Variants in MAPRE2 observed in about 807,000 individuals in gnomAD.
MAPRE2 encodes microtubule-associated protein RP/EB family member 2.
In MAPRE2, 13 loss-of-function variants were observed where a neutral mutation model predicts 43.2. The ratio of observed to expected loss-of-function variants is 0.30; its 90% CI spans 0.20 to 0.48. The LOEUF (loss-of-function observed/expected upper bound fraction) is 0.48. Ranked by LOEUF, MAPRE2 falls within the 20% of genes least tolerant of loss-of-function variation. The pLI, the probability that MAPRE2 is intolerant of heterozygous loss-of-function variation, is 0.99. For synonymous variants in MAPRE2, 135 were observed against 148.8 expected (o/e 0.91, Z 0.68); for missense variants, 161 against 400.2 (o/e 0.40, Z 5.10).
intron 4 of MAPRE2, among the ~76,000 whole-genome samples, chr18:35,126,257 A>G (rs986233389): frequency 6.6e-6 from 1 of 152,224 alleles, no homozygotes; most frequent in African/African-American, 2.4e-5. Flanking sequence ...AGCTGTCCCA[A>G]GTGTGACTAG....
chr18:35,078,868 G>A (rs1181134390), intron 2 of MAPRE2, among the ~76,000 whole-genome samples: 1 of 152,164 alleles, frequency 6.6e-6, no homozygotes, highest in East Asian at 1.9e-4. Flanking sequence ...CAAAAGTAAC[G>A]AGACAGAGAC....
chr18:34,995,506 G>A (rs1306780344), intron 1 of MAPRE2, among the ~76,000 whole-genome samples: 6 of 152,144 alleles, frequency 3.9e-5, no homozygotes, highest in Non-Finnish European at 8.8e-5. Flanking sequence ...ACTCTCTAAT[G>A]CATTTGCACA....
intron 2 of MAPRE2, among the ~76,000 whole-genome samples, chr18:35,013,738 T>C (rs971477331): frequency 1.3e-5 from 2 of 152,126 alleles, no homozygotes; most frequent in East Asian, 3.9e-4. Flanking sequence ...TCAACTTTTG[T>C]TTAGTAATAG....
chr18:35,022,868 T>C (rs551692739), intron 2 of MAPRE2, among the ~76,000 whole-genome samples: 61 of 152,306 alleles, frequency 4.0e-4, no homozygotes, highest in African/African-American at 1.4e-3. Flanking sequence ...CCAAGAAATA[T>C]AATTTTAAGA....
intron 6 of MAPRE2, among the ~76,000 whole-genome samples, chr18:35,137,168 A>G (rs1755715470): frequency 6.6e-6 from 1 of 152,236 alleles, no homozygotes; most frequent in South Asian, 2.1e-4. Flanking sequence ...AGCATGAGCA[A>G]TCCATTGATA....
chr18:35,110,775 A>G (rs1313952355), intron 4 of MAPRE2, among the ~76,000 whole-genome samples: 1 of 152,138 alleles, frequency 6.6e-6, no homozygotes, highest in Admixed American at 6.6e-5. Context: ...AGCACTTTAA[A>G]GATGTTATTC....
intron 4 of MAPRE2, among the ~76,000 whole-genome samples, chr18:35,115,637 C>T (rs1909379197): frequency 1.3e-5 from 2 of 152,130 alleles, no homozygotes; most frequent in Admixed American, 1.3e-4. Context: ...TTTTTCATTC[C>T]TGAGTTATTT....
intron 4 of MAPRE2, among the ~76,000 whole-genome samples, chr18:35,122,669 A>T (rs1302732143): frequency 6.6e-6 from 1 of 152,156 alleles, no homozygotes; most frequent in East Asian, 1.9e-4. Context: ...TCCATCCCAC[A>T]TGTGTGTAGG....
chr18:35,058,103 A>G (rs1906329715), intron 1 of MAPRE2, among the ~76,000 whole-genome samples: 1 of 152,168 alleles, frequency 6.6e-6, no homozygotes, highest in Admixed American at 6.5e-5. Flanking sequence ...GCTATTTCCC[A>G]GTTTGAAGTT....
chr18:35,063,451 A>G lies in MAPRE2; in HGVS notation c.123-6744A>G, dbSNP rs1438758733. Among the ~76,000 whole-genome samples, 5 of 150,210 alleles carry G rather than the reference A, an allele frequency of 3.3e-5. No individual in the cohort carries two copies. In the East Asian group the frequency reaches 9.9e-4, roughly 30 times the overall value. The stretch of plus-strand genomic sequence containing the variant: ...ACATGAAGTTTCCAGTTGAATGTGG[A>G]CTCCTTTAAGGAGTGACATAAAGAA... On this transcript the variant is annotated intron_variant, in intron 1 of 6. Transcript: ENST00000300249.
At chr18:35,125,227 T>A (rs2144233537) in intron 4 of MAPRE2, among the ~76,000 whole-genome samples, 1 of 152,320 alleles carries the variant, frequency 6.6e-6, no homozygotes, top group Non-Finnish European at 1.5e-5. Flanking sequence ...AAGACACAAA[T>A]ATAAATTTTA....
At chr18:35,076,539 G>T (rs9960000) in intron 2 of MAPRE2, among the ~76,000 whole-genome samples, 4,360 of 152,172 alleles carry the variant, frequency 0.029, 198 homozygotes, top group African/African-American at 0.1. Flanking sequence ...GATAATGTGT[G>T]GGGTACTTAG....
Position 35,051,317 on chromosome 18 carries a change from C to A in MAPRE2, c.122+9656C>A, listed in dbSNP as rs1314800337. On this transcript the variant is annotated intron_variant, in intron 1 of 6. Transcript: ENST00000300249. ...GGGAAACAGGACCAACAAGTCTCTC[C>A]CAAGTCCCTTAATGGGGCCTGGAAT... 3.3e-5 allele frequency among the ~76,000 whole-genome samples: 5 copies of A among 152,112 alleles called. No homozygotes were observed. In the East Asian group the frequency reaches 9.6e-4, roughly 29 times the overall value.
At chr18:35,070,508 C>T (rs1431688035) in intron 2 of MAPRE2, 186 bp downstream of exon 2, 1 of 428,872 alleles carries the variant, frequency 2.3e-6, no homozygotes, top group Non-Finnish European at 4.0e-6. Context: ...TATGAGCATC[C>T]AGGAGCACAA....
intron 1 of MAPRE2, among the ~76,000 whole-genome samples, chr18:35,044,411 G>A (rs770085784): frequency 9.2e-5 from 14 of 152,136 alleles, no homozygotes; most frequent in Non-Finnish European, 1.5e-4. Flanking sequence ...TGTATTTTTA[G>A]TAGAGATGGG....
chr18:35,063,705 A>C lies in MAPRE2; in HGVS notation c.123-6490A>C, dbSNP rs75889337. Among the ~76,000 whole-genome samples, 181 of 152,136 alleles carry C rather than the reference A, an allele frequency of 1.2e-3. 1 individual carries two copies. In the East Asian group the frequency reaches 0.027, roughly 23 times the overall value. The stretch of plus-strand genomic sequence containing the variant: ...AGACTTTAGATGATATAAAAACAAA[A>C]AAGTCAGGCTGGGTACTGTGGCTCA... On this transcript the variant is annotated intron_variant, in intron 1 of 6. Transcript: ENST00000300249.
intron 1 of MAPRE2, among the ~76,000 whole-genome samples, chr18:35,049,036 A>G (rs538771433): frequency 1.1e-3 from 168 of 152,260 alleles, no homozygotes; most frequent in African/African-American, 3.9e-3. Context: ...TTTTCATAGA[A>G]GTAATACTTG....
chr18:35,131,000 G>A (rs1569015728), intron 5 of MAPRE2, among the ~76,000 whole-genome samples: 1 of 152,172 alleles, frequency 6.6e-6, no homozygotes, highest in Non-Finnish European at 1.5e-5. Context: ...AGAGGAATGA[G>A]GGCTACTGTG....
upstream of MAPRE2, among the ~76,000 whole-genome samples, chr18:35,039,639 T>C (rs1371581836): frequency 1.3e-5 from 2 of 152,246 alleles, no homozygotes; most frequent in Admixed American, 6.5e-5. Flanking sequence ...ATCTGGGTTG[T>C]AAAACATTTG....
Sources: allele counts gnomAD v4.1 joint callset (sites outside exome capture counted in the v4.1 genomes callset), GRCh38; gene constraint gnomAD v4.1.1; transcripts MANE v1.5; gene names NCBI Gene and HGNC (gene_info 2026-07-23, HGNC 2026-07-21).